The following PALS2 variants were observed in gnomAD, a reference collection of about 807,000 sequenced individuals.
PALS2 encodes the protein protein associated with LIN7 2, MAGUK p55 family member.
Under a neutral mutation model 61.6 loss-of-function variants are expected in PALS2, and 27 were observed. That is an observed-to-expected ratio of 0.44 (90% CI 0.32 to 0.60). The LOEUF (loss-of-function observed/expected upper bound fraction) is 0.60, where lower values mean the gene tolerates loss of function less well. PALS2 is among the 20% of genes least tolerant of loss of function. The probability of loss-of-function intolerance (pLI) is 0.05; values close to 1 mark genes in which losing one functional copy is unlikely to be tolerated. For synonymous variants in PALS2, 236 were observed against 218.6 expected, an observed-to-expected ratio of 1.08 and a Z score of -0.70; for missense variants, 554 against 639.4, an observed-to-expected ratio of 0.87 and a Z score of 1.44.
chr7:24,577,091 CT>C (rs1468574609), intron 1 of PALS2, among the ~76,000 whole-genome samples: 1 of 152,036 alleles, frequency 6.6e-6, no homozygotes, highest in African/African-American at 2.4e-5. Flanking sequence ...GTTTTATGAC[CT>C]TCCTTAATTA....
chr7:24,661,504 C>G (rs1433211259), intron 5 of PALS2, among the ~76,000 whole-genome samples: 1 of 152,080 alleles, frequency 6.6e-6, no homozygotes, highest in Non-Finnish European at 1.5e-5. Flanking sequence ...TATTCTGTTC[C>G]ACACATAAGA....
chr7:24,651,670 G>T (rs1786157392), intron 5 of PALS2, among the ~76,000 whole-genome samples: 1 of 152,082 alleles, frequency 6.6e-6, no homozygotes, highest in Admixed American at 6.6e-5. Flanking sequence ...CAAAGAGAGG[G>T]TTTTCAAGCC....
chr7:24,582,724 T>C (rs993859112), intron 1 of PALS2, among the ~76,000 whole-genome samples: 3 of 151,946 alleles, frequency 2.0e-5, no homozygotes, highest in Admixed American at 2.0e-4. Context: ...ATTCCTCTTT[T>C]AATATCCTTC....
intron 6 of PALS2, among the ~76,000 whole-genome samples, chr7:24,664,133 T>C (rs183835743): frequency 3.1e-4 from 47 of 152,296 alleles, no homozygotes; most frequent in Non-Finnish European, 6.0e-4. Flanking sequence ...TGTTCGTTCA[T>C]AGCAAGTAAA....
chr7:24,635,584 A>G (rs1227782740), intron 2 of PALS2, among the ~76,000 whole-genome samples: 3 of 152,108 alleles, frequency 2.0e-5, no homozygotes. Context: ...TACAAATGTT[A>G]AATAGAAGTG....
rs574963146 is a variant in PALS2, at chr7:24,665,962, G to A, written c.884-59G>A. 4.8e-4 allele frequency: 720 copies of A among 1,485,154 alleles called. No individual in the cohort carries two copies. In the Middle Eastern group the frequency reaches 6.2e-3, roughly 13 times the overall value. The allele number at this position is 1,485,154 out of a possible 1,614,324, so 92.0% of individuals were successfully genotyped here. A position where few individuals can be genotyped will look rare whatever the true frequency, so the allele number is the denominator to read the frequency against. ...CTCCCACCCCTGTAAAATACTATAG[G>A]GCAATTTTTTCATATTCTGATATAC... On this transcript the variant is annotated intron_variant, in intron 7 of 11. Transcript: ENST00000222644.
intron 5 of PALS2, among the ~76,000 whole-genome samples, chr7:24,661,386 G>T (rs1180197968): frequency 6.6e-6 from 1 of 151,952 alleles, no homozygotes; most frequent in African/African-American, 2.4e-5. Flanking sequence ...GATGTGGTTT[G>T]TATTCCACAG....
chr7:24,605,384 T>G (rs1783861085), intron 1 of PALS2, among the ~76,000 whole-genome samples: 1 of 152,164 alleles, frequency 6.6e-6, no homozygotes, highest in Non-Finnish European at 1.5e-5. Context: ...AAGAATAACA[T>G]GGTTTCATAT....
chr7:24,686,661 C>G (rs1300339764), intron 11 of PALS2, among the ~76,000 whole-genome samples: 2 of 152,134 alleles, frequency 1.3e-5, no homozygotes, highest in Admixed American at 1.3e-4. Context: ...ACTTTATCTC[C>G]TCCACTAAAG....
intron 1 of PALS2, among the ~76,000 whole-genome samples, chr7:24,575,580 G>A (rs901042283): frequency 2.0e-5 from 3 of 152,150 alleles, no homozygotes; most frequent in Non-Finnish European, 4.4e-5. Context: ...TAAAATTGAA[G>A]TTGCTTGTTT....
At chr7:24,644,095 C>CTTTTTTTTTTTTTT (rs59645237) in intron 3 of PALS2, among the ~76,000 whole-genome samples, 15 of 134,262 alleles carry the variant, frequency 1.1e-4, no homozygotes, top group African/African-American at 4.1e-4. Flanking sequence ...TTTCTTTTTT[C>CTTTTTTTTTTTTTT]TTTTTTTTTT....
intron 1 of PALS2, among the ~76,000 whole-genome samples, chr7:24,583,513 C>A (rs1361289072): frequency 1.3e-5 from 2 of 152,118 alleles, no homozygotes; most frequent in Non-Finnish European, 2.9e-5. Context: ...TTTCCATTCA[C>A]CATTACTTTC....
intron 2 of PALS2, among the ~76,000 whole-genome samples, chr7:24,624,792 A>G (rs1032153808): frequency 6.6e-6 from 1 of 151,732 alleles, no homozygotes; most frequent in African/African-American, 2.4e-5. Flanking sequence ...TTTTTAGTAG[A>G]GGAGGGGTTT....
intron 3 of PALS2, among the ~76,000 whole-genome samples, chr7:24,647,497 G>C (rs1249731233): frequency 6.6e-6 from 1 of 152,068 alleles, no homozygotes; most frequent in African/African-American, 2.4e-5. Context: ...GTTTTCTTCA[G>C]CTCAGCTCTA....
At chr7:24,617,685 C>A (rs776571585) in intron 1 of PALS2, among the ~76,000 whole-genome samples, 2 of 152,140 alleles carry the variant, frequency 1.3e-5, no homozygotes, top group Non-Finnish European at 2.9e-5. Context: ...TTTGTGGCTG[C>A]GATGGTGCAG....
intron 1 of PALS2, among the ~76,000 whole-genome samples, chr7:24,607,655 G>A (rs188877941): frequency 2.1e-4 from 32 of 148,958 alleles, no homozygotes; most frequent in South Asian, 2.1e-4. Context: ...ATATGTATGC[G>A]TATGTATACA....
At chr7:24,636,887 A>G (rs1583917208) in intron 2 of PALS2, among the ~76,000 whole-genome samples, 1 of 152,060 alleles carries the variant, frequency 6.6e-6, no homozygotes, top group Admixed American at 6.5e-5. Flanking sequence ...TCGATTTTTG[A>G]TGAGAAATTT....
rs1782533010 is a variant in PALS2, at chr7:24,573,617, C to A, written c.-3+24C>A. Reference sequence around the variant, plus strand: ...CGGTGAGTTAACTGGACCCCCACGCCGCTCGGGTAACGGTCGCGCCGCGCG... The same window carrying A: ...CGGTGAGTTAACTGGACCCCCACGCAGCTCGGGTAACGGTCGCGCCGCGCG... On this transcript the variant is annotated intron_variant, in intron 1 of 11. Transcript: ENST00000222644. This position sits in a 1 kb window ranked among gnomAD's most constrained non-coding sequence, Gnocchi z 5.3. 5.8e-6 allele frequency: 2 copies of A among 342,366 alleles called. No homozygotes were observed. The highest frequency in any genetic ancestry group is 1.1e-5 in the Non-Finnish European group (2 of 190,124). 21.2% of individuals were successfully genotyped at this position (342,366 alleles called of 1,614,324 possible).
At chr7:24,633,350 GTTTTTTTT>G (rs35300093) in intron 2 of PALS2, among the ~76,000 whole-genome samples, 3 of 106,244 alleles carry the variant, frequency 2.8e-5, no homozygotes, top group African/African-American at 7.0e-5. Context: ...GGTTGGTGGA[GTTTTTTTT>G]TTTTTTTTTT....
Sources: gnomAD v4.1 joint callset for allele counts (sites outside exome capture counted in the v4.1 genomes callset) on GRCh38, gnomAD v4.1.1 for gene constraint, Gnocchi (gnomAD v3.1) non-coding constraint, MANE v1.5 for transcripts, NCBI Gene and HGNC (gene_info 2026-07-23, HGNC 2026-07-21) for gene names.